NLRC5: variants seen among roughly 807,000 people sequenced by gnomAD.
NLRC5 encodes protein NLRC5.
A neutral mutation model predicts 206.9 loss-of-function variants in NLRC5; 114 were observed. The ratio of observed to expected loss-of-function variants is 0.55; its 90% CI spans 0.47 to 0.64. NLRC5 has a LOEUF of 0.64. Ranked by LOEUF, NLRC5 falls within the 30% of genes least tolerant of loss-of-function variation. The probability of loss-of-function intolerance (pLI) is 0.00; values close to 1 mark genes in which losing one functional copy is unlikely to be tolerated. For missense variants in NLRC5, 2,008 were observed against 2,305.5 expected (o/e 0.87, Z 2.64); for synonymous variants, 952 against 962.8 (o/e 0.99, Z 0.21).
intron 1 of NLRC5, among the ~76,000 whole-genome samples, chr16:56,995,592 T>C (rs2057502233): frequency 7.0e-6 from 1 of 142,814 alleles, no homozygotes; most frequent in Non-Finnish European, 1.6e-5. Context: ...CACCTATCCC[T>C]TGTGGGTGGG....
At chr16:57,021,034 G>A in intron 3 of NLRC5, 27 bp downstream of exon 3, 5 of 1,605,876 alleles carry the variant, frequency 3.1e-6, no homozygotes, top group Non-Finnish European at 3.4e-6. Flanking sequence ...GAGACGCAAA[G>A]CAGCCGGGCC....
At chr16:57,081,685 G>A in intron 48 of NLRC5, 75 bp downstream of exon 48, 1 of 1,329,532 alleles carries the variant, frequency 7.5e-7, no homozygotes. Flanking sequence ...GGACTCCCTG[G>A]AGGAGGCGGC....
chr16:57,049,594 G>T (rs769468555), intron 23 of NLRC5, among the ~76,000 whole-genome samples: 2 of 152,040 alleles, frequency 1.3e-5, no homozygotes, highest in Admixed American at 1.3e-4. Context: ...AAATTAGCCA[G>T]GCATGGTGGT....
At chr16:57,037,145 C>A in intron 14 of NLRC5, 50 bp from the exon 15 acceptor site, 2 of 1,490,620 alleles carry the variant, frequency 1.3e-6, no homozygotes, top group Non-Finnish European at 1.9e-6. Flanking sequence ...CTGGCTGGGG[C>A]TGGGTACCTC....
chr16:57,063,106 C>CTTTT (rs34897333), intron 32 of NLRC5, among the ~76,000 whole-genome samples: 37 of 95,070 alleles, frequency 3.9e-4, no homozygotes, highest in Non-Finnish European at 5.3e-4. Context: ...ACTTTCCTTC[C>CTTTT]TTTTTTTTTT....
chr16:57,022,036 A>C (rs1474346397), intron 3 of NLRC5, among the ~76,000 whole-genome samples: 1 of 152,218 alleles, frequency 6.6e-6, no homozygotes, highest in Non-Finnish European at 1.5e-5. Context: ...ACACATACAT[A>C]AACTTGCATG....
At chr16:57,050,637 T>C (rs1217259915) in intron 23 of NLRC5, among the ~76,000 whole-genome samples, 1 of 152,114 alleles carries the variant, frequency 6.6e-6, no homozygotes, top group East Asian at 1.9e-4. Flanking sequence ...GTTGTCCTGG[T>C]CCTCCATCTA....
chr16:57,044,036 C>A (rs147715311), intron 20 of NLRC5, among the ~76,000 whole-genome samples: 1 of 151,636 alleles, frequency 6.6e-6, no homozygotes, highest in Admixed American at 6.6e-5. Flanking sequence ...CGGTGGCTCA[C>A]GCCTGTAATC....
At chr16:56,999,192 C>G (rs537799406) in intron 1 of NLRC5, among the ~76,000 whole-genome samples, 3 of 152,330 alleles carry the variant, frequency 2.0e-5, no homozygotes, top group Admixed American at 6.5e-5. Context: ...ATTACCTCCC[C>G]CAGACCCCAG....
At chr16:57,080,999 C>G in intron 46 of NLRC5, 99 bp from the exon 47 acceptor site, 1 of 1,069,874 alleles carries the variant, frequency 9.3e-7, no homozygotes, top group Non-Finnish European at 1.4e-6. Context: ...AAACCCTTGC[C>G]CCCACGACTG....
chr16:57,059,323 G>T (rs1242525276), intron 29 of NLRC5, 144 bp from the exon 30 acceptor site: 1 of 1,471,394 alleles, frequency 6.8e-7, no homozygotes, highest in Non-Finnish European at 9.0e-7. Flanking sequence ...GAGTTTGGGG[G>T]TCTCCTCTGG....
At chr16:57,008,719 G>C (rs1364289525) in intron 1 of NLRC5, among the ~76,000 whole-genome samples, 1 of 143,148 alleles carries the variant, frequency 7.0e-6, no homozygotes, top group Non-Finnish European at 1.6e-5. Context: ...TTGGCCAAAA[G>C]TGTTTTATTA....
At chr16:57,029,957 G>C (rs2061623386) in intron 9 of NLRC5, 38 bp from the exon 10 acceptor site, 2 of 1,612,304 alleles carry the variant, frequency 1.2e-6, no homozygotes, top group Non-Finnish European at 1.7e-6. Context: ...CCTGGGGTAG[G>C]GGATTCCACT....
chr16:56,995,757 A>G (rs2057526465), intron 1 of NLRC5, among the ~76,000 whole-genome samples: 1 of 152,176 alleles, frequency 6.6e-6, no homozygotes, highest in Non-Finnish European at 1.5e-5. Flanking sequence ...GAAGAGAGAA[A>G]TAGCTTGCTG....
At chr16:57,059,605 C>A (rs1004810177) in intron 30 of NLRC5, 73 bp downstream of exon 30, 1 of 1,378,464 alleles carries the variant, frequency 7.3e-7, no homozygotes, top group Admixed American at 2.5e-5. Flanking sequence ...GCCTCCATGG[C>A]CCCCTCTTCC....
intron 38 of NLRC5, chr16:57,074,220 A>C (rs2098792573): frequency 5.7e-6 from 1 of 175,208 alleles, no homozygotes; most frequent in South Asian, 1.4e-4. Flanking sequence ...ACCTTAAGCA[A>C]GTTCTCTAAC....
chr16:56,999,046 A>T (rs1164400597), intron 1 of NLRC5, among the ~76,000 whole-genome samples: 1 of 152,246 alleles, frequency 6.6e-6, no homozygotes, highest in African/African-American at 2.4e-5. Context: ...GGTTCTGGCA[A>T]GAGCCCTTTT....
At chr16:57,066,701 C>A in intron 34 of NLRC5, 87 bp downstream of exon 34, 1 of 1,216,674 alleles carries the variant, frequency 8.2e-7, no homozygotes, top group Non-Finnish European at 1.2e-6. Flanking sequence ...ACCACCCTGC[C>A]CAGAGACCTT....
At chr16:57,081,024 C>G in intron 46 of NLRC5, 74 bp from the exon 47 acceptor site, 2 of 1,349,288 alleles carry the variant, frequency 1.5e-6, no homozygotes, top group South Asian at 2.5e-5. Context: ...CCTGCTTTCC[C>G]CATTCACTGC....
Sources: gnomAD v4.1 joint callset for allele counts (sites outside exome capture counted in the v4.1 genomes callset) on GRCh38, gnomAD v4.1.1 for gene constraint, MANE v1.5 for transcripts, NCBI Gene and HGNC (gene_info 2026-07-23, HGNC 2026-07-21) for gene names.